The following RPGRIP1L variants were observed in gnomAD, a reference collection of about 807,000 sequenced individuals.
The protein encoded by RPGRIP1L is RPGRIP1 like.
In RPGRIP1L, 131 loss-of-function variants were observed where a neutral mutation model predicts 160.4. The ratio of observed to expected loss-of-function variants is 0.82; its 90% confidence interval spans 0.71 to 0.94. The LOEUF (loss-of-function observed/expected upper bound fraction) is 0.94. RPGRIP1L is among the 40% of genes least tolerant of loss of function. The probability of loss-of-function intolerance (pLI) is 0.00; values close to 1 mark genes in which losing one functional copy is unlikely to be tolerated. For missense variants in RPGRIP1L, 1,522 were observed against 1,535.8 expected, an observed-to-expected ratio of 0.99 and a Z score of 0.15; for synonymous variants, 510 against 515.8, an observed-to-expected ratio of 0.99 and a Z score of 0.15.
intron 3 of RPGRIP1L, chr16:53,694,703 G>C (rs1322083528): frequency 6.6e-6 from 1 of 152,042 alleles, no homozygotes; most frequent in Non-Finnish European, 1.5e-5. Flanking sequence ...GTAGAAATGG[G>C]GTTTCATCAT....
At position 53,637,840 on chromosome 16, in the gene RPGRIP1L, G is replaced by T. The variant is rs1188242743; in HGVS notation, c.3075C>A (p.Gly1025=). 1 of 1,612,664 alleles carries T rather than the reference G, an allele frequency of 6.2e-7. No individual in the cohort carries two copies. The highest frequency in any genetic ancestry group is 1.3e-5 in the African/African-American group (1 of 74,820). Residue 1025 remains glycine, a synonymous_variant, in exon 21 of 27, where the codon GGC becomes GGA. Transcript: ENST00000647211. ...VPHVPKVSQE[G]SVDEVKENTE... is the part of the protein sequence containing the mutation. The stretch of plus-strand genomic sequence containing the variant: ...TATTCTCTTTTACCTCATCTACACT[G>T]CCTTCTTGTGAAACCTGAAGAAATC...
At chr16:53,659,300 A>C (rs1361398402) in intron 10 of RPGRIP1L, 1 of 497,414 alleles carries the variant, frequency 2.0e-6, no homozygotes, top group African/African-American at 2.1e-5. Flanking sequence ...TTCCCAACTT[A>C]GCATATAGTA....
intron 10 of RPGRIP1L, among the ~76,000 whole-genome samples, chr16:53,664,296 T>C (rs1228129662): frequency 1.3e-5 from 2 of 152,180 alleles, no homozygotes; most frequent in African/African-American, 2.4e-5. Context: ...CTTTCTGGTA[T>C]TTAAGGTCAC....
chr16:53,672,781 A>T, intron 8 of RPGRIP1L, 89 bp downstream of exon 8: 1 of 1,181,750 alleles, frequency 8.5e-7, no homozygotes, highest in East Asian at 2.4e-5. Flanking sequence ...TTAAATAAGT[A>T]CAATTTTGAA....
At position 53,671,603 on chromosome 16, in the gene RPGRIP1L, A is replaced by G; in HGVS notation, c.1030-20T>C. 7.7e-7 allele frequency: 1 copy of G among 1,300,076 alleles called. No homozygotes were observed. The highest frequency in any genetic ancestry group is 1.1e-6 in the Non-Finnish European group (1 of 912,058). The allele number at this position is 1,300,076 out of a possible 1,614,324, so 80.5% of individuals were successfully genotyped here. A position where few individuals can be genotyped will look rare whatever the true frequency, so the allele number is the denominator to read the frequency against. ...CTGCAGCTAAAATGAAAATAAAATT[A>G]CATATTAAGTAAATATTATATAAAA... is the stretch of plus-strand genomic sequence containing the variant. On this transcript the variant is annotated intron_variant, in intron 8 of 26. Transcript: ENST00000647211.
At chr16:53,646,048 A>G in intron 16 of RPGRIP1L, 45 bp from the exon 17 acceptor site, 1 of 1,575,708 alleles carries the variant, frequency 6.3e-7, no homozygotes, top group South Asian at 1.1e-5. Flanking sequence ...ACACAGTTAA[A>G]AGATGAACAG....
chr16:53,686,634 A>C (rs1261376146), intron 5 of RPGRIP1L, 58 bp from the exon 6 acceptor site: 29 of 1,566,570 alleles, frequency 1.9e-5, no homozygotes, highest in African/African-American at 2.7e-5. Context: ...TCAATAGTTA[A>C]GATCAGTGCA....
intron 24 of RPGRIP1L, among the ~76,000 whole-genome samples, chr16:53,612,621 G>A (rs76068922): frequency 0.052 from 7,766 of 150,240 alleles, 412 homozygotes; most frequent in East Asian, 0.31. Flanking sequence ...AATCTCAGTG[G>A]TTAAAAAAAA....
At chr16:53,691,978 C>A in intron 4 of RPGRIP1L, 88 bp downstream of exon 4, 4 of 1,216,120 alleles carry the variant, frequency 3.3e-6, no homozygotes, top group Admixed American at 1.7e-5. Flanking sequence ...TAAAAGCATG[C>A]GTAATACAGA....
At chr16:53,666,566 A>ATGTG (rs112955038) in intron 9 of RPGRIP1L, among the ~76,000 whole-genome samples, 13,072 of 136,576 alleles carry the variant, frequency 0.096, 904 homozygotes, top group African/African-American at 0.19. Context: ...GAGTACATCT[A>ATGTG]TGTGTGTGTG....
At chr16:53,623,222 G>A (rs1365333426) in intron 22 of RPGRIP1L, among the ~76,000 whole-genome samples, 1 of 152,158 alleles carries the variant, frequency 6.6e-6, no homozygotes, top group African/African-American at 2.4e-5. Context: ...ACAGAACAAG[G>A]AGGGAGAAAA....
intron 26 of RPGRIP1L, among the ~76,000 whole-genome samples, chr16:53,604,791 T>C (rs1963570085): frequency 6.6e-6 from 1 of 152,220 alleles, no homozygotes; most frequent in Admixed American, 6.5e-5. Context: ...TAAGGTTAAG[T>C]ACCTTAACAG....
intron 1 of RPGRIP1L, among the ~76,000 whole-genome samples, chr16:53,702,745 T>C (rs552818868): frequency 3.3e-5 from 5 of 151,678 alleles, no homozygotes; most frequent in African/African-American, 9.7e-5. Context: ...CTTGAATTCA[T>C]GGGTTCAAGT....
chr16:53,697,707 C>G lies in RPGRIP1L; in HGVS notation c.86-1412G>C, dbSNP rs547120736. ...GGAGTGCAGTGGCGTGATCTCGGCTCGCTACAACCTCCACCTCCCAGCCGC... is the reference window on the plus strand; with the variant it reads ...GGAGTGCAGTGGCGTGATCTCGGCTGGCTACAACCTCCACCTCCCAGCCGC... On this transcript the variant is annotated intron_variant, in intron 2 of 26. Coordinates refer to ENST00000647211, the MANE Select transcript of RPGRIP1L (RefSeq NM_015272.5). Among the ~76,000 whole-genome samples the G allele has an allele frequency of 2.7e-3, 417 of 152,102 alleles. 3 individuals are homozygous for G. The highest frequency in any genetic ancestry group is 9.3e-3 in the African/African-American group (387 of 41,500).
intron 2 of RPGRIP1L, among the ~76,000 whole-genome samples, chr16:53,699,122 T>A (rs1971150483): frequency 6.6e-6 from 1 of 152,118 alleles, no homozygotes; most frequent in African/African-American, 2.4e-5. Flanking sequence ...ACATGTGCTG[T>A]GTCCACTCAG....
intron 17 of RPGRIP1L, 91 bp from the exon 18 acceptor site, chr16:53,641,566 G>A (rs1966226899): frequency 8.7e-7 from 1 of 1,152,112 alleles, no homozygotes; most frequent in Non-Finnish European, 1.3e-6. Context: ...TACTTTAAGA[G>A]ACTCATGCTC....
chr16:53,623,977 A>C (rs2150981477), intron 22 of RPGRIP1L, among the ~76,000 whole-genome samples: 1 of 152,256 alleles, frequency 6.6e-6, no homozygotes, highest in Middle Eastern at 3.4e-3. Context: ...CTGCAGCCTC[A>C]ATCTCCCAGG....
Position 53,601,934 on chromosome 16 carries a change from A to G in RPGRIP1L, c.*142T>C. On this transcript the variant is annotated 3_prime_UTR_variant, in exon 27 of 27. Transcript: ENST00000647211. ...AAATGAAAAAGTATACAAAACTTCA[A>G]CACTTCAAACCCAGGTCTCCCCGCT... 1.5e-6 allele frequency: 1 copy of G among 671,072 alleles called. No individual in the cohort carries two copies. Among genetic ancestry groups the G allele is most frequent in the Non-Finnish European group, 2.7e-6 (1 of 367,354 alleles). The allele number at this position is 671,072 out of a possible 1,614,324, so 41.6% of individuals were successfully genotyped here. A position where few individuals can be genotyped will look rare whatever the true frequency, so the allele number is the denominator to read the frequency against.
At chr16:53,667,932 C>G (rs1968408939) in intron 9 of RPGRIP1L, among the ~76,000 whole-genome samples, 1 of 151,884 alleles carries the variant, frequency 6.6e-6, no homozygotes, top group Admixed American at 6.6e-5. Flanking sequence ...GTGGCACATG[C>G]CTGTAGTCCT....
Sources: gnomAD v4.1 joint callset for allele counts (sites outside exome capture counted in the v4.1 genomes callset) on GRCh38, gnomAD v4.1.1 for gene constraint, MANE v1.5 for transcripts, NCBI Gene and HGNC (gene_info 2026-07-23, HGNC 2026-07-21) for gene names.